The following CNBD1 variants were observed in gnomAD, a reference collection of about 807,000 sequenced individuals.
CNBD1 encodes cyclic nucleotide-binding domain-containing protein 1.
A neutral mutation model predicts 54.4 loss-of-function variants in CNBD1; 71 were observed. That is an observed-to-expected ratio of 1.30 (90% confidence interval 1.08 to 1.59). CNBD1 has a LOEUF of 1.59. Ranked by LOEUF, CNBD1 falls within the 40% of genes most tolerant of loss-of-function variation. The pLI, the probability that CNBD1 is intolerant of heterozygous loss-of-function variation, is 0.00. For synonymous variants in CNBD1, 182 were observed against 170.7 expected (o/e 1.07, Z -0.51); for missense variants, 659 against 518.0 (o/e 1.27, Z -2.64).
At chr8:87,200,209 A>T (rs1207441565) in intron 4 of CNBD1, among the ~76,000 whole-genome samples, 2 of 152,128 alleles carry the variant, frequency 1.3e-5, no homozygotes, top group Non-Finnish European at 2.9e-5. Flanking sequence ...ATGGCTCAAA[A>T]CCTCCCAACC....
chr8:87,192,643 TAGTG>T (rs1813637126), intron 4 of CNBD1, among the ~76,000 whole-genome samples: 1 of 152,172 alleles, frequency 6.6e-6, no homozygotes, highest in African/African-American at 2.4e-5. Flanking sequence ...ACATGAAACA[TAGTG>T]AGTAACCAAC....
chr8:87,261,541 A>AAAAAT (rs1808140732), intron 6 of CNBD1, among the ~76,000 whole-genome samples: 2 of 151,820 alleles, frequency 1.3e-5, no homozygotes, highest in African/African-American at 4.8e-5. Context: ...AAAAAAAAAA[A>AAAAAT]AAAAAAGAGA....
chr8:87,032,459 T>G (rs1270206028), intron 4 of CNBD1, among the ~76,000 whole-genome samples: 1 of 152,122 alleles, frequency 6.6e-6, no homozygotes, highest in African/African-American at 2.4e-5. Context: ...AAAAAATATA[T>G]TTACTATTAA....
At chr8:87,385,395 T>G (rs568450626), downstream of CNBD1, among the ~76,000 whole-genome samples, 1 of 152,008 alleles carries the variant, frequency 6.6e-6, no homozygotes, top group Non-Finnish European at 1.5e-5. Flanking sequence ...AGATGGCACC[T>G]GGAAAATCGG....
intron 2 of CNBD1, among the ~76,000 whole-genome samples, chr8:87,415,950 T>C (rs1365786753): frequency 6.6e-6 from 1 of 151,616 alleles, no homozygotes; most frequent in Non-Finnish European, 1.5e-5. Flanking sequence ...ATATTGGAAA[T>C]AAAGTTTTTA....
At chr8:87,241,268 A>ATTTTTTTTTTTTTCTTTTTTTT (rs1807696592) in intron 6 of CNBD1, among the ~76,000 whole-genome samples, 1 of 93,864 alleles carries the variant, frequency 1.1e-5, no homozygotes, top group African/African-American at 4.9e-5. Flanking sequence ...TATTTGGAAG[A>ATTTTTTTTTTTTTCTTTTTTTT]TTTTTTTTTT....
chr8:87,109,540 C>CTTT (rs35541466), intron 4 of CNBD1, among the ~76,000 whole-genome samples: 17,152 of 107,610 alleles, frequency 0.16, 1,315 homozygotes, highest in Admixed American at 0.22. Context: ...TTCTTTCTTT[C>CTTT]TTTTTTTTTT....
intron 4 of CNBD1, among the ~76,000 whole-genome samples, chr8:87,164,719 G>A (rs906383295): frequency 6.6e-5 from 10 of 150,482 alleles, no homozygotes; most frequent in African/African-American, 2.2e-4. Flanking sequence ...TGTTTATCTT[G>A]TTAAAAAATC....
At chr8:86,961,527 AAGG>A in intron 4 of CNBD1, among the ~76,000 whole-genome samples, 1 of 152,254 alleles carries the variant, frequency 6.6e-6, no homozygotes, top group Non-Finnish European at 1.5e-5. Context: ...AGAAAATTCT[AAGG>A]AGGGTTTAGT....
chr8:87,222,775 T>A (rs1379509044), intron 5 of CNBD1, among the ~76,000 whole-genome samples: 2 of 152,190 alleles, frequency 1.3e-5, no homozygotes, highest in Non-Finnish European at 2.9e-5. Context: ...TTAATTAAAC[T>A]TTCTCTAACT....
chr8:87,190,833 A>C (rs1813585458), intron 4 of CNBD1, among the ~76,000 whole-genome samples: 2 of 106,850 alleles, frequency 1.9e-5, no homozygotes, highest in South Asian at 2.5e-4. Flanking sequence ...TAGGAGGTAC[A>C]TATGTAGATA....
chr8:87,349,665 G>A (rs1049623727), intron 8 of CNBD1, among the ~76,000 whole-genome samples: 1 of 152,176 alleles, frequency 6.6e-6, no homozygotes, highest in African/African-American at 2.4e-5. Flanking sequence ...GTGAGCCACC[G>A]CGCCTGACCA....
chr8:86,887,750 C>A, intron 2 of CNBD1, 139 bp downstream of exon 2: 1 of 587,410 alleles, frequency 1.7e-6, no homozygotes, highest in Non-Finnish European at 3.0e-6. Context: ...AGTTGAAAAC[C>A]TGGGGGTTAT....
Position 87,060,181 on chromosome 8 carries a change from C to A in CNBD1, c.431+120427C>A, listed in dbSNP as rs191388914. On this transcript the variant is annotated intron_variant, in intron 4 of 10. Transcript: ENST00000518476. The stretch of plus-strand genomic sequence containing the variant: ...AGATGAGAATCTAGCCCAACTGACA[C>A]CTTGATGTTAGCCTTGTGAAACCAT... Among the ~76,000 whole-genome samples the A allele has an allele frequency of 2.8e-3, 431 of 152,286 alleles. 3 individuals carry two copies. Among genetic ancestry groups the A allele is most frequent in the Non-Finnish European group, 3.1e-3 (208 of 68,032 alleles).
Position 87,353,651 on chromosome 8 carries a change from C to T in CNBD1, c.1168C>T (p.Leu390Phe), listed in dbSNP as rs1198835620. Reference sequence around the variant, plus strand: ...TTTTTAACAGAAAAGATCTCAAAAACTTGTTTATATGGGGAAACTTAAGGA... The same window carrying T: ...TTTTTAACAGAAAAGATCTCAAAAATTTGTTTATATGGGGAAACTTAAGGA... ...RSNKVKRSQK[L>F]VYMGKLKEKE... The change falls in exon 10 of 11, where the codon CTT becomes TTT. Residue 390 changes from leucine (L) to phenylalanine (F), a missense_variant. Physicochemically the swap from Leu to Phe is conservative, Grantham distance 22. Transcript: ENST00000518476. 1.3e-6 allele frequency: 2 copies of T among 1,584,208 alleles called. No homozygotes were observed. Among genetic ancestry groups the T allele is most frequent in the Non-Finnish European group, 1.7e-6 (2 of 1,166,858 alleles).
intron 1 of CNBD1, among the ~76,000 whole-genome samples, chr8:86,885,044 T>C (rs1252840640): frequency 1.3e-5 from 2 of 152,230 alleles, no homozygotes; most frequent in East Asian, 1.9e-4. Flanking sequence ...ACAGAATTTC[T>C]AAGCCTTCAC....
At chr8:87,332,071 G>A (rs1809845682) in intron 8 of CNBD1, among the ~76,000 whole-genome samples, 1 of 151,940 alleles carries the variant, frequency 6.6e-6, no homozygotes, top group Non-Finnish European at 1.5e-5. Flanking sequence ...TTTAAGGCTG[G>A]GCGTTGGGGC....
chr8:87,096,241 T>C (rs931133009), intron 4 of CNBD1, among the ~76,000 whole-genome samples: 2 of 152,156 alleles, frequency 1.3e-5, no homozygotes, highest in Non-Finnish European at 2.9e-5. Context: ...TTAAGTTCAA[T>C]GTGCCATCTG....
intron 2 of CNBD1, among the ~76,000 whole-genome samples, chr8:87,390,664 A>G (rs372481849): frequency 6.6e-5 from 10 of 152,308 alleles, no homozygotes; most frequent in African/African-American, 2.4e-4. Context: ...TAGTTCAACC[A>G]TTGTGGAAGT....
Sources: allele counts gnomAD v4.1 joint callset (sites outside exome capture counted in the v4.1 genomes callset), GRCh38; gene constraint gnomAD v4.1.1; transcripts MANE v1.5; gene names NCBI Gene and HGNC (gene_info 2026-07-23, HGNC 2026-07-21).